The following ARHGEF11 variants were observed in gnomAD, a reference collection of about 807,000 sequenced individuals.
ARHGEF11 encodes the protein Rho guanine exchange factor (GEF) 11.
A neutral mutation model predicts 193.7 loss-of-function variants in ARHGEF11; 55 were observed. The ratio of observed to expected loss-of-function variants is 0.28; its 90% CI spans 0.23 to 0.36. The LOEUF is 0.36. Among genes scored for constraint, ARHGEF11 ranks in the 10% least tolerant of loss-of-function variants. ARHGEF11 has a pLI of 1.00. For missense variants in ARHGEF11, 1,723 were observed against 2,005.6 expected, an observed-to-expected ratio of 0.86 and a Z score of 2.69; for synonymous variants, 693 against 768.0, an observed-to-expected ratio of 0.90 and a Z score of 1.62.
intron 1 of ARHGEF11, among the ~76,000 whole-genome samples, chr1:157,035,363 A>G (rs1054289248): frequency 2.7e-5 from 4 of 149,156 alleles, no homozygotes; most frequent in Admixed American, 1.3e-4. Flanking sequence ...CCCTAACAAC[A>G]CTCACCGTAT....
chr1:156,962,129 T>A (rs891604223), intron 13 of ARHGEF11, among the ~76,000 whole-genome samples: 2 of 152,222 alleles, frequency 1.3e-5, no homozygotes, highest in African/African-American at 4.8e-5. Flanking sequence ...ATTTCACTTG[T>A]GTCTTGTGCT....
At chr1:156,959,001 G>A (rs555430760) in intron 16 of ARHGEF11, 45 bp downstream of exon 16, 57 of 1,610,766 alleles carry the variant, frequency 3.5e-5, no homozygotes, top group Middle Eastern at 3.3e-4. Flanking sequence ...GCCAAGAGGC[G>A]GAGGTGAACG....
chr1:156,963,365 C>T, intron 12 of ARHGEF11, 61 bp from the exon 13 acceptor site: 1 of 1,538,362 alleles, frequency 6.5e-7, no homozygotes, highest in East Asian at 2.3e-5. Flanking sequence ...CGGGTTCCAG[C>T]TTAGCTCCCA....
chr1:157,008,406 G>GCA (rs60934928), intron 1 of ARHGEF11, among the ~76,000 whole-genome samples: 5,122 of 149,136 alleles, frequency 0.034, 240 homozygotes, highest in African/African-American at 0.11. Context: ...TTGCACGCAC[G>GCA]CACACACACA....
intron 3 of ARHGEF11, among the ~76,000 whole-genome samples, chr1:156,983,466 C>G (rs548386961): frequency 6.6e-6 from 1 of 152,200 alleles, no homozygotes; most frequent in African/African-American, 2.4e-5. Context: ...TCGTGATCCG[C>G]GAGCCTCGGC....
At chr1:157,017,706 CAAAAAA>C (rs1047573559) in intron 1 of ARHGEF11, among the ~76,000 whole-genome samples, 1 of 41,544 alleles carries the variant, frequency 2.4e-5, no homozygotes, top group Non-Finnish European at 5.2e-5. Context: ...GACTCCGTCT[CAAAAAA>C]AAAAAAAAAA....
At position 156,939,762 on chromosome 1, in the gene ARHGEF11, C is replaced by T. The variant is rs772500421; in HGVS notation, c.3882G>A (p.Gly1294=). 1.2e-6 allele frequency: 2 copies of T among 1,613,898 alleles called. No homozygotes were observed. Among genetic ancestry groups the T allele is most frequent in the African/African-American group, 1.3e-5 (1 of 75,028 alleles). Residue 1294 remains glycine, a synonymous_variant, in exon 37 of 41, where the codon GGG becomes GGA. Coordinates refer to ENST00000368194, the MANE Select transcript of ARHGEF11 (RefSeq NM_198236.3). The stretch of plus-strand genomic sequence containing the variant: ...CCCCTTCACCCCCAGGGGGTGCTTG[C>T]CCTGGGGAGCCTGGGTCCCAGGGGT... ...TSHPWDPGSP[G]QAPPGGEGDN... is the part of the protein sequence containing the mutation.
intron 10 of ARHGEF11, 111 bp downstream of exon 10, chr1:156,969,171 A>C: frequency 3.5e-6 from 3 of 852,728 alleles, no homozygotes; most frequent in Non-Finnish European, 5.7e-6. Context: ...AACTAGAACG[A>C]TGGAAGAGGC....
At chr1:157,046,837 C>A (rs552033636), upstream of ARHGEF11, among the ~76,000 whole-genome samples, 42 of 151,458 alleles carry the variant, frequency 2.8e-4, no homozygotes, top group South Asian at 6.9e-3. Flanking sequence ...TGGTGAAACC[C>A]CCCCCCTCTA....
intron 7 of ARHGEF11, among the ~76,000 whole-genome samples, chr1:156,973,784 T>C (rs971814073): frequency 1.3e-5 from 2 of 152,226 alleles, no homozygotes; most frequent in Non-Finnish European, 2.9e-5. Context: ...GTTCTACTGA[T>C]TGGCCCTCTG....
At chr1:157,035,902 TA>T (rs1671914040) in intron 1 of ARHGEF11, among the ~76,000 whole-genome samples, 2 of 48,724 alleles carry the variant, frequency 4.1e-5, no homozygotes, top group South Asian at 5.6e-4. Context: ...GGAATATATA[TA>T]TATGAATCTA....
At position 156,947,033 on chromosome 1, in the gene ARHGEF11, C is replaced by T; in HGVS notation, c.2489-18G>A. The T allele has an allele frequency of 6.2e-7, 1 of 1,613,998 alleles. No individual in the cohort carries two copies. The highest frequency in any genetic ancestry group is 8.5e-7 in the Non-Finnish European group (1 of 1,179,944). ...CCAGGAATCTGGGGCAGGAAGAGAA[C>T]AAATAGAAATGCCTGGGGTTGAGCT... On this transcript the variant is annotated intron_variant, in intron 26 of 40. Coordinates refer to ENST00000368194, the MANE Select transcript of ARHGEF11 (RefSeq NM_198236.3).
chr1:156,995,101 C>A (rs1227231635), intron 1 of ARHGEF11, among the ~76,000 whole-genome samples: 1 of 152,184 alleles, frequency 6.6e-6, no homozygotes, highest in Non-Finnish European at 1.5e-5. Context: ...CTCTTCTCCC[C>A]CTCTCTGCCA....
intron 7 of ARHGEF11, among the ~76,000 whole-genome samples, chr1:156,972,483 G>A (rs1389951755): frequency 6.6e-6 from 1 of 152,218 alleles, no homozygotes; most frequent in Non-Finnish European, 1.5e-5. Flanking sequence ...TGTATATGAA[G>A]TGCTTAGCAG....
chr1:156,981,564 C>T (rs1462672446), intron 3 of ARHGEF11, among the ~76,000 whole-genome samples: 1 of 152,226 alleles, frequency 6.6e-6, no homozygotes, highest in African/African-American at 2.4e-5. Context: ...GCAGCCTCAA[C>T]ATCTTGGGCT....
In ARHGEF11 at chr1:157,045,647, C is replaced by T. The variant is rs1359500655; in HGVS notation, c.-1317G>A. 6.6e-6 allele frequency among the ~76,000 whole-genome samples: 1 copy of T among 151,136 alleles called. No homozygotes were observed. The highest frequency in any genetic ancestry group is 1.9e-4 in the East Asian group (1 of 5,152). On this transcript the variant is annotated 5_prime_UTR_variant, in exon 1 of 41. Transcript: ENST00000368194. Reference sequence around the variant, plus strand: ...CGCCGCTCGCCCCGCGCCCGACCGCCGTGTTCCGGCCTTCGCGGCCGCTCG... The same window carrying T: ...CGCCGCTCGCCCCGCGCCCGACCGCTGTGTTCCGGCCTTCGCGGCCGCTCG...
At chr1:156,963,667 T>G in intron 11 of ARHGEF11, 73 bp from the exon 12 acceptor site, 3 of 1,579,120 alleles carry the variant, frequency 1.9e-6, no homozygotes, top group Non-Finnish European at 2.6e-6. Context: ...CAGTGAAGTT[T>G]GTTTAGTTGC....
chr1:156,992,008 G>A (rs972278854), intron 1 of ARHGEF11, among the ~76,000 whole-genome samples: 1 of 152,086 alleles, frequency 6.6e-6, no homozygotes, highest in Non-Finnish European at 1.5e-5. Flanking sequence ...GAGCCACCGC[G>A]CCCGGCCAAG....
chr1:156,969,793 G>A (rs543245250), intron 9 of ARHGEF11, among the ~76,000 whole-genome samples: 27 of 152,156 alleles, frequency 1.8e-4, no homozygotes, highest in South Asian at 4.1e-4. Flanking sequence ...TATCTATCCC[G>A]GCTATTGGCT....
Sources: allele counts gnomAD v4.1 joint callset (sites outside exome capture counted in the v4.1 genomes callset), GRCh38; gene constraint gnomAD v4.1.1; transcripts MANE v1.5; gene names NCBI Gene and HGNC (gene_info 2026-07-23, HGNC 2026-07-21).